The following PKDCC variants were observed in gnomAD, a reference collection of about 807,000 sequenced individuals.
PKDCC encodes the protein extracellular tyrosine-protein kinase PKDCC.
A neutral mutation model predicts 44.7 loss-of-function variants in PKDCC; 35 were observed. That is an observed-to-expected ratio of 0.78 (90% confidence interval 0.60 to 1.04). The LOEUF is 1.04. Among genes scored for constraint, PKDCC ranks in the 50% least tolerant of loss-of-function variants. The pLI is 0.00. For synonymous variants in PKDCC, 353 were observed against 303.3 expected (o/e 1.16, Z -1.70); for missense variants, 738 against 672.7 (o/e 1.10, Z -1.07).
At chr2:42,050,752 G>C (rs554642088) in intron 1 of PKDCC, among the ~76,000 whole-genome samples, 1 of 152,104 alleles carries the variant, frequency 6.6e-6, no homozygotes, top group Non-Finnish European at 1.5e-5. Context: ...GAGGGTCACA[G>C]GTCCTTTCTA....
Position 42,054,537 on chromosome 2 carries a change from T to C in PKDCC, c.1034+230T>C. Reference sequence around the variant, plus strand: ...TTAGGGGGTGGCAGCTGGAGGCTTCTTAAAATAGTGTTGGACTCGGAGCCT... The same window carrying C: ...TTAGGGGGTGGCAGCTGGAGGCTTCCTAAAATAGTGTTGGACTCGGAGCCT... On this transcript the variant is annotated intron_variant, in intron 3 of 6. Coordinates refer to ENST00000294964, the MANE Select transcript of PKDCC (RefSeq NM_138370.3). This position sits in a 1 kb window ranked among gnomAD's most constrained non-coding sequence, Gnocchi z 6.1. 1 of 592,468 alleles carries C rather than the reference T, an allele frequency of 1.7e-6. No homozygotes were observed. The highest frequency in any genetic ancestry group is 2.3e-5 in the South Asian group (1 of 44,422). 36.7% of individuals were successfully genotyped at this position (592,468 alleles called of 1,614,324 possible).
chr2:42,053,915 TA>T, intron 2 of PKDCC, 120 bp from the exon 3 acceptor site: 2 of 1,272,606 alleles, frequency 1.6e-6, no homozygotes. Flanking sequence ...CTGGGGCCTA[TA>T]GAAGAGAAGT....
At chr2:42,053,209 AC>A in intron 1 of PKDCC, 29 bp from the exon 2 acceptor site, 1 of 1,336,958 alleles carries the variant, frequency 7.5e-7, no homozygotes, top group Non-Finnish European at 1.0e-6. Context: ...CCACCCTGTG[AC>A]CTAATGACCT....
At position 42,055,224 on chromosome 2, in the gene PKDCC, G is replaced by A; in HGVS notation, c.1115-62G>A. ...GAGGCAGAGGTGGGAGCAGCTGGCT[G>A]CTGACTTCAGGGAGGAGTGGGAGCC... On this transcript the variant is annotated intron_variant, in intron 4 of 6. Coordinates refer to ENST00000294964, the MANE Select transcript of PKDCC (RefSeq NM_138370.3). The surrounding 1 kb of genome is among the most constrained non-coding windows in gnomAD (Gnocchi z 4.5). 1.3e-6 allele frequency: 2 copies of A among 1,491,106 alleles called. No individual in the cohort carries two copies. Among genetic ancestry groups the A allele is most frequent in the Non-Finnish European group, 1.8e-6 (2 of 1,086,670 alleles). The allele number at this position is 1,491,106 out of a possible 1,614,324, so 92.4% of individuals were successfully genotyped here.
Position 42,051,657 on chromosome 2 carries a change from C to A in PKDCC, c.640-1582C>A, listed in dbSNP as rs1412874277. Among the ~76,000 whole-genome samples the A allele has an allele frequency of 6.6e-6, 1 of 152,112 alleles. No homozygotes were observed. Among genetic ancestry groups the A allele is most frequent in the African/African-American group, 2.4e-5 (1 of 41,412 alleles). On this transcript the variant is annotated intron_variant, in intron 1 of 6. Coordinates refer to ENST00000294964, the MANE Select transcript of PKDCC (RefSeq NM_138370.3). The surrounding 1 kb of genome is among the most constrained non-coding windows in gnomAD (Gnocchi z 4.2). ...GCCCCAGGGCTGTTCCCCTTACCTT[C>A]CCCCCACCCCACCAGGGTCTGGGGC...
At position 42,055,020 on chromosome 2, in the gene PKDCC, G is replaced by A. The variant is rs1237198924; in HGVS notation, c.1114G>A (p.Gly372Arg). 9 of 1,613,344 alleles carry A rather than the reference G, an allele frequency of 5.6e-6. No homozygotes were observed. The African/African-American group carries it at 1.2e-4, about 22-fold the overall frequency. The change falls in exon 4 of 7, where the codon GGA becomes AGA. Residue 372 changes from glycine to arginine, a missense_variant and splice_region_variant. By Grantham distance (125) the Gly-to-Arg change is moderately radical. Coordinates refer to ENST00000294964, the MANE Select transcript of PKDCC (RefSeq NM_138370.3). This position sits in a 1 kb window ranked among gnomAD's most constrained non-coding sequence, Gnocchi z 4.5. ...GCTGGACAGCATCGTCAACGCCACA[G>A]GTGAGCTCTCCAGGGCCCATCTGCT... ...PLLDSIVNAT[G>R]ELAWGVDETL... is the part of the protein sequence containing the mutation.
At position 42,057,677 on chromosome 2, in the gene PKDCC, G is replaced by T. The variant is rs1437775776; in HGVS notation, c.1471G>T (p.Ala491Ser). The change falls in exon 7 of 7, where the codon GCC (alanine) becomes TCC (serine). Residue 491 changes from alanine (A) to serine (S), a missense_variant. Physicochemically the swap from Ala to Ser is moderately conservative, Grantham distance 99 (BLOSUM62 1). Transcript: ENST00000294964. ...TCCCAACAAGACCACATATGTGAAG[G>T]CCTCTGGCTGACCTATCTGAGGGCT... is the stretch of plus-strand genomic sequence containing the variant. Reference protein sequence around the residue: ...PDPNKTTYVKASG With the variant: ...PDPNKTTYVKSSG 6.2e-7 allele frequency: 1 copy of T among 1,613,766 alleles called. No individual in the cohort carries two copies. The highest frequency in any genetic ancestry group is 8.5e-7 in the Non-Finnish European group (1 of 1,179,914).
Position 42,057,985 on chromosome 2 carries a change from C to T in PKDCC, c.*297C>T. 1 of 440,990 alleles carries T rather than the reference C, an allele frequency of 2.3e-6. No homozygotes were observed. The highest frequency in any genetic ancestry group is 4.1e-6 in the Non-Finnish European group (1 of 242,576). 27.3% of individuals were successfully genotyped at this position (440,990 alleles called of 1,614,324 possible). On this transcript the variant is annotated 3_prime_UTR_variant, in exon 7 of 7. Coordinates refer to ENST00000294964, the MANE Select transcript of PKDCC (RefSeq NM_138370.3). ...CTCAGGCTAGTCTCCCCACTGGGGG[C>T]TGTGCCCCTCCCTGGGACGGTTCCG...
Position 42,055,069 on chromosome 2 carries a change from C to T in PKDCC, c.1114+49C>T, listed in dbSNP as rs1273106437. On this transcript the variant is annotated intron_variant, in intron 4 of 6. Transcript: ENST00000294964. This position sits in a 1 kb window ranked among gnomAD's most constrained non-coding sequence, Gnocchi z 4.5. ...CTTCCAGGCACCTACCCCACCCCCA[C>T]CCGCCAGCAAAAGTGGGGAGAAAAA... The T allele has an allele frequency of 6.4e-7, 1 of 1,554,664 alleles. No homozygotes were observed. Among genetic ancestry groups the T allele is most frequent in the African/African-American group, 1.4e-5 (1 of 73,546 alleles).
In PKDCC at chr2:42,057,586, T is replaced by C; in HGVS notation, c.1397-17T>C. 1 of 1,612,408 alleles carries C rather than the reference T, an allele frequency of 6.2e-7. No individual in the cohort carries two copies. The highest frequency in any genetic ancestry group is 8.5e-7 in the Non-Finnish European group (1 of 1,179,232). On this transcript the variant is annotated splice_polypyrimidine_tract_variant and intron_variant, in intron 6 of 6. Coordinates refer to ENST00000294964, the MANE Select transcript of PKDCC (RefSeq NM_138370.3). ...GAGAAACATCCAGCCCTGTTACCTC[T>C]CACCTCTGCCCCCCAGGTCGGCAGC...
chr2:42,048,097 A>AGG lies in PKDCC; in HGVS notation c.-99_-98dup. 1.7e-6 allele frequency: 1 copy of AGG among 593,218 alleles called. No homozygotes were observed. The highest frequency in any genetic ancestry group is 2.0e-6 in the Non-Finnish European group (1 of 510,544). 36.7% of individuals were successfully genotyped at this position (593,218 alleles called of 1,614,324 possible). ...CCGGGGCCATGCGCGCGGGCTGGGC[A>AGG]GGGGGCCGGCGGGGCGCAGAGCGGA... On this transcript the variant is annotated 5_prime_UTR_variant, in exon 1 of 7. An upstream open reading frame in the 5' UTR loses its in-frame stop. Coordinates refer to ENST00000294964, the MANE Select transcript of PKDCC (RefSeq NM_138370.3). This position sits in a 1 kb window ranked among gnomAD's most constrained non-coding sequence, Gnocchi z 6.2.
intron 6 of PKDCC, 81 bp from the exon 7 acceptor site, chr2:42,057,522 A>C (rs1668077798): frequency 6.4e-7 from 1 of 1,560,926 alleles, no homozygotes; most frequent in East Asian, 2.3e-5. Flanking sequence ...CGTGTCTTCA[A>C]GGCAGTCAAA....
At position 42,048,485 on chromosome 2, in the gene PKDCC, G is replaced by C; in HGVS notation, c.286G>C (p.Gly96Arg). Residue 96 changes from glycine to arginine, a missense_variant, in exon 1 of 7, where the codon GGC becomes CGC. Coordinates refer to ENST00000294964, the MANE Select transcript of PKDCC (RefSeq NM_138370.3). The surrounding 1 kb of genome is among the most constrained non-coding windows in gnomAD (Gnocchi z 6.2). ...RLMDLAPGGP[G>R]LPRPRPPWAR... is the part of the protein sequence containing the mutation. The stretch of plus-strand genomic sequence containing the variant: ...GATGGACCTGGCTCCGGGCGGGCCC[G>C]GCCTGCCGCGCCCCCGGCCCCCTTG... The C allele has an allele frequency of 1.9e-6, 2 of 1,042,702 alleles. No individual in the cohort carries two copies. The highest frequency in any genetic ancestry group is 2.3e-6 in the Non-Finnish European group (2 of 869,548). The allele number at this position is 1,042,702 out of a possible 1,614,324, so 64.6% of individuals were successfully genotyped here.
Position 42,048,922 on chromosome 2 carries a change from A to G in PKDCC, c.639+84A>G, listed in dbSNP as rs1667922306. ...AACCTGGCTGGAAGAGAACCCCTTG[A>G]TCTGGAGTGCCAGTGACTGCACCCA... On this transcript the variant is annotated intron_variant, in intron 1 of 6. Transcript: ENST00000294964. The surrounding 1 kb of genome is among the most constrained non-coding windows in gnomAD (Gnocchi z 6.2). 1 of 1,344,884 alleles carries G rather than the reference A, an allele frequency of 7.4e-7. No individual in the cohort carries two copies. Among genetic ancestry groups the G allele is most frequent in the Non-Finnish European group, 9.6e-7 (1 of 1,044,022 alleles). 83.3% of individuals were successfully genotyped at this position (1,344,884 alleles called of 1,614,324 possible). A position where few individuals can be genotyped will look rare whatever the true frequency, so the allele number is the denominator to read the frequency against.
rs1449308959 is a variant in PKDCC, at chr2:42,048,175, C to T, written c.-25C>T. ...GCCGGGGCCGGGGAGCCGCGCGGGG[C>T]CGGCCGGCCGGGGGGAGGGGAGCGA... On this transcript the variant is annotated 5_prime_UTR_variant, in exon 1 of 7. Coordinates refer to ENST00000294964, the MANE Select transcript of PKDCC (RefSeq NM_138370.3). The surrounding 1 kb of genome is among the most constrained non-coding windows in gnomAD (Gnocchi z 6.2). 1 of 1,062,148 alleles carries T rather than the reference C, an allele frequency of 9.4e-7. No individual in the cohort carries two copies. The highest frequency in any genetic ancestry group is 1.1e-6 in the Non-Finnish European group (1 of 886,052). The allele number at this position is 1,062,148 out of a possible 1,614,324, so 65.8% of individuals were successfully genotyped here. A position where few individuals can be genotyped will look rare whatever the true frequency, so the allele number is the denominator to read the frequency against.
rs564587182 is a variant in PKDCC, at chr2:42,052,728, C to G, written c.640-511C>G. On this transcript the variant is annotated intron_variant, in intron 1 of 6. Coordinates refer to ENST00000294964, the MANE Select transcript of PKDCC (RefSeq NM_138370.3). The surrounding 1 kb of genome is among the most constrained non-coding windows in gnomAD (Gnocchi z 4.3). ...CTGCACTCCAGCCTGGGCAACAGAG[C>G]GAGGCTGTCTCAAAAAAAAAAAAAG... Among the ~76,000 whole-genome samples the G allele has an allele frequency of 2.0e-5, 3 of 148,342 alleles. No homozygotes were observed. The highest frequency in any genetic ancestry group is 4.5e-5 in the Non-Finnish European group (3 of 67,408).
rs1668097519 is a variant in PKDCC, at chr2:42,058,516, A to C, written c.*828A>C. 1 of 152,252 alleles carries C rather than the reference A, an allele frequency of 6.6e-6. No homozygotes were observed. Among genetic ancestry groups the C allele is most frequent in the South Asian group, 2.1e-4 (1 of 4,836 alleles). 9.4% of individuals were successfully genotyped at this position (152,252 alleles called of 1,614,324 possible). A position where few individuals can be genotyped will look rare whatever the true frequency, so the allele number is the denominator to read the frequency against. ...GTTAATAAAATGATGTTTCACAGCA[A>C]ACTCTTCCCTAATGACAGTTTCTTA... On this transcript the variant is annotated 3_prime_UTR_variant, in exon 7 of 7. Transcript: ENST00000294964. The surrounding 1 kb of genome is among the most constrained non-coding windows in gnomAD (Gnocchi z 4.2).
At position 42,053,228 on chromosome 2, in the gene PKDCC, G is replaced by A; in HGVS notation, c.640-11G>A. 1 of 1,592,200 alleles carries A rather than the reference G, an allele frequency of 6.3e-7. No homozygotes were observed. Among genetic ancestry groups the A allele is most frequent in the Non-Finnish European group, 8.6e-7 (1 of 1,167,884 alleles). On this transcript the variant is annotated splice_polypyrimidine_tract_variant and intron_variant, in intron 1 of 6. Coordinates refer to ENST00000294964, the MANE Select transcript of PKDCC (RefSeq NM_138370.3). ...CCTGTGACCTAATGACCTGCCCTCG[G>A]CTTTCCCCAGCTCTATGGCTACTGC...
chr2:42,053,246 G>T lies in PKDCC; in HGVS notation c.647G>T (p.Gly216Val). 2 of 1,609,478 alleles carry T rather than the reference G, an allele frequency of 1.2e-6. No individual in the cohort carries two copies. Among genetic ancestry groups the T allele is most frequent in the Non-Finnish European group, 1.7e-6 (2 of 1,177,916 alleles). ...GCCCTCGGCTTTCCCCAGCTCTATG[G>T]CTACTGCTACCAGGACAGCGAGGAC... ...LRHPNVLQLY[G>V]YCYQDSEDIP... is the part of the protein sequence containing the mutation. The change falls in exon 2 of 7, where the codon GGC becomes GTC. Residue 216 changes from glycine to valine, a missense_variant. Transcript: ENST00000294964.
Sources: gnomAD v4.1 joint callset for allele counts (sites outside exome capture counted in the v4.1 genomes callset) on GRCh38, gnomAD v4.1.1 for gene constraint, Gnocchi (gnomAD v3.1) non-coding constraint, MANE v1.5 for transcripts, NCBI Gene and HGNC (gene_info 2026-07-23, HGNC 2026-07-21) for gene names.